AFG1L: variants seen among roughly 807,000 people sequenced by gnomAD.
The protein encoded by AFG1L is AFG1-like ATPase.
In AFG1L, 53 loss-of-function variants were observed where a neutral mutation model predicts 62.2. That is an observed-to-expected ratio of 0.85 (90% CI 0.68 to 1.07). AFG1L has a LOEUF of 1.07. Among genes scored for constraint, AFG1L ranks in the 50% least tolerant of loss-of-function variants. The pLI, the probability that AFG1L is intolerant of heterozygous loss-of-function variation, is 0.00. For missense variants in AFG1L, 555 were observed against 590.5 expected, an observed-to-expected ratio of 0.94 and a Z score of 0.62; for synonymous variants, 228 against 210.3, an observed-to-expected ratio of 1.08 and a Z score of -0.73.
At chr6:108,307,549 T>C (rs755491983) in intron 1 of AFG1L, among the ~76,000 whole-genome samples, 10 of 152,034 alleles carry the variant, frequency 6.6e-5, no homozygotes, top group Non-Finnish European at 1.5e-4. Flanking sequence ...TAACTGAGAC[T>C]ACAGGCGAGC....
At chr6:108,447,418 G>T in intron 8 of AFG1L, 122 bp downstream of exon 8, 1 of 574,088 alleles carries the variant, frequency 1.7e-6, no homozygotes, top group Non-Finnish European at 3.1e-6. Context: ...TTTTTAAATT[G>T]CAAATGTTCT....
chr6:108,520,891 A>C (rs1269980739), intron 12 of AFG1L: 1 of 152,226 alleles, frequency 6.6e-6, no homozygotes, highest in Non-Finnish European at 1.5e-5. Flanking sequence ...TAAACCTCAC[A>C]TGGTGGAAGG....
chr6:108,390,431 G>T (rs1040072312), intron 6 of AFG1L, among the ~76,000 whole-genome samples: 4 of 152,184 alleles, frequency 2.6e-5, no homozygotes, highest in Admixed American at 2.0e-4. Context: ...TCCTTTGGAG[G>T]GGGAGAGGTG....
intron 6 of AFG1L, among the ~76,000 whole-genome samples, chr6:108,399,300 G>T (rs1471170021): frequency 4.2e-5 from 6 of 141,590 alleles, no homozygotes; most frequent in Non-Finnish European, 9.0e-5. Flanking sequence ...CGATTTCCCT[G>T]CCTCAGCCTC....
rs1295609231 is a variant in AFG1L at position 108,525,458 on chromosome 6, G to T, written c.*3033G>T. 2.0e-5 allele frequency: 3 copies of T among 152,002 alleles called. No homozygotes were observed. The highest frequency in any genetic ancestry group is 2.1e-4 in the South Asian group (1 of 4,822). The allele number at this position is 152,002 out of a possible 1,614,324, so 9.4% of individuals were successfully genotyped here. A position where few individuals can be genotyped will look rare whatever the true frequency, so the allele number is the denominator to read the frequency against. ...AAGGCAATACTTTTATCTTCTTAAA[G>T]TATATTTCCTGTACTTATAAGTGTG... On this transcript the variant is annotated 3_prime_UTR_variant, in exon 13 of 13. Transcript: ENST00000368977.
chr6:108,389,524 C>T (rs954433776), intron 6 of AFG1L, among the ~76,000 whole-genome samples: 11 of 152,126 alleles, frequency 7.2e-5, no homozygotes, highest in African/African-American at 2.4e-4. Flanking sequence ...ACCAGTTGTT[C>T]CTTTCCATGT....
intron 8 of AFG1L, among the ~76,000 whole-genome samples, chr6:108,447,524 A>G (rs1333929255): frequency 6.6e-6 from 1 of 152,162 alleles, no homozygotes; most frequent in African/African-American, 2.4e-5. Context: ...TTGGGGTGGA[A>G]TGATGACAGA....
intron 2 of AFG1L, among the ~76,000 whole-genome samples, chr6:108,326,649 A>G (rs1233589474): frequency 6.6e-6 from 1 of 152,102 alleles, no homozygotes; most frequent in Non-Finnish European, 1.5e-5. Context: ...AACAACCATT[A>G]GTAGTACTTT....
intron 8 of AFG1L, among the ~76,000 whole-genome samples, chr6:108,450,716 C>T (rs1030454000): frequency 2.6e-5 from 4 of 151,942 alleles, no homozygotes; most frequent in Admixed American, 2.0e-4. Flanking sequence ...TTTCTTCTAG[C>T]GTTTTTATGG....
chr6:108,502,351 A>G (rs986111388), intron 10 of AFG1L, among the ~76,000 whole-genome samples: 6 of 152,122 alleles, frequency 3.9e-5, no homozygotes, highest in African/African-American at 1.4e-4. Flanking sequence ...GATTACAGAC[A>G]TGTGCCAGCA....
intron 10 of AFG1L, among the ~76,000 whole-genome samples, chr6:108,500,177 T>C (rs1341044228): frequency 2.7e-5 from 4 of 147,246 alleles, no homozygotes; most frequent in East Asian, 2.5e-4. Context: ...CGTGCGTGTG[T>C]GTGTGTGTGT....
chr6:108,437,705 T>C (rs1771370939), intron 7 of AFG1L, among the ~76,000 whole-genome samples: 1 of 152,176 alleles, frequency 6.6e-6, no homozygotes, highest in Non-Finnish European at 1.5e-5. Flanking sequence ...AAAATCATAT[T>C]GTATGGCCCC....
intron 10 of AFG1L, among the ~76,000 whole-genome samples, chr6:108,501,302 T>G (rs1774190663): frequency 3.9e-5 from 6 of 152,160 alleles, no homozygotes; most frequent in Admixed American, 3.9e-4. Context: ...CGAAGAGAAA[T>G]TTTTGATAGT....
intron 5 of AFG1L, among the ~76,000 whole-genome samples, chr6:108,365,108 A>G (rs1779701130): frequency 6.6e-6 from 1 of 152,202 alleles, no homozygotes; most frequent in South Asian, 2.1e-4. Flanking sequence ...TTGTGGATAT[A>G]TGTAAAGCAA....
At chr6:108,480,643 T>C (rs989524506) in intron 10 of AFG1L, among the ~76,000 whole-genome samples, 2 of 151,924 alleles carry the variant, frequency 1.3e-5, no homozygotes, top group Non-Finnish European at 2.9e-5. Flanking sequence ...ACTAAAAATA[T>C]AGAAATTAGC....
intron 1 of AFG1L, among the ~76,000 whole-genome samples, chr6:108,296,333 G>T (rs935384086): frequency 1.8e-4 from 28 of 152,106 alleles, no homozygotes; most frequent in Non-Finnish European, 1.6e-4. Context: ...GTAAGCTGTG[G>T]ATTATAATAT....
intron 6 of AFG1L, among the ~76,000 whole-genome samples, chr6:108,370,593 C>G (rs1233744958): frequency 6.6e-6 from 1 of 151,810 alleles, no homozygotes; most frequent in Non-Finnish European, 1.5e-5. Context: ...AACCCAGGTA[C>G]AAGGTGATGG....
intron 7 of AFG1L, among the ~76,000 whole-genome samples, chr6:108,436,333 C>T (rs552485291): frequency 8.5e-5 from 13 of 152,164 alleles, no homozygotes; most frequent in African/African-American, 1.2e-4. Flanking sequence ...TTAGTAGAGA[C>T]GGGGTTTCAC....
At position 108,525,886 on chromosome 6, in the gene AFG1L, A is replaced by G. The variant is rs1775298707; in HGVS notation, c.*3461A>G. 2 of 152,234 alleles carry G rather than the reference A, an allele frequency of 1.3e-5. No individual in the cohort carries two copies. Among genetic ancestry groups the G allele is most frequent in the African/African-American group, 4.8e-5 (2 of 41,470 alleles). The allele number at this position is 152,234 out of a possible 1,614,324, so 9.4% of individuals were successfully genotyped here. On this transcript the variant is annotated 3_prime_UTR_variant, in exon 13 of 13. Coordinates refer to ENST00000368977, the MANE Select transcript of AFG1L (RefSeq NM_145315.5). ...GGCTGCTTTATCTGAGATTAAAAAC[A>G]TGCAGAAGGATTGGGCGCCTGGGTC... is the stretch of plus-strand genomic sequence containing the variant.
Sources: allele counts gnomAD v4.1 joint callset (sites outside exome capture counted in the v4.1 genomes callset), GRCh38; gene constraint gnomAD v4.1.1; transcripts MANE v1.5; gene names NCBI Gene and HGNC (gene_info 2026-07-23, HGNC 2026-07-21).